The following SLC7A2 variants were observed in gnomAD, a reference collection of about 807,000 sequenced individuals.
The protein encoded by SLC7A2 is solute carrier family 7 member 2, also known as cationic amino acid transporter 2.
Under a neutral mutation model 58.9 loss-of-function variants are expected in SLC7A2, and 48 were observed. The ratio of observed to expected loss-of-function variants is 0.82; its 90% confidence interval spans 0.65 to 1.04. SLC7A2 has a LOEUF of 1.04. Among genes scored for constraint, SLC7A2 ranks in the 50% least tolerant of loss-of-function variants. The pLI is 0.00. For missense variants in SLC7A2, 1,029 were observed against 818.8 expected, an observed-to-expected ratio of 1.26 and a Z score of -3.13; for synonymous variants, 363 against 314.5, an observed-to-expected ratio of 1.15 and a Z score of -1.63.
In SLC7A2 at chr8:17,570,251, C is replaced by T. The variant is rs1198363417; in HGVS notation, c.*5105C>T. 6.6e-6 allele frequency: 1 copy of T among 152,110 alleles called. No homozygotes were observed. The highest frequency in any genetic ancestry group is 1.9e-4 in the East Asian group (1 of 5,182). 9.4% of individuals were successfully genotyped at this position (152,110 alleles called of 1,614,324 possible). On this transcript the variant is annotated 3_prime_UTR_variant, in exon 13 of 13. Transcript: ENST00000494857. ...AATGGGCCCTTTATCTTTGGTGTCC[C>T]CTAGGAGTGTCCAGTTGTTTTATTG...
At chr8:17,560,214 T>A (rs1802899092) in intron 9 of SLC7A2, 114 bp from the exon 10 acceptor site, 1 of 733,720 alleles carries the variant, frequency 1.4e-6, no homozygotes. Flanking sequence ...AAGTGTTGAT[T>A]TACTCTACAC....
intron 2 of SLC7A2, among the ~76,000 whole-genome samples, chr8:17,529,373 A>C (rs528048222): frequency 0.025 from 3,723 of 151,682 alleles, 56 homozygotes; most frequent in Middle Eastern, 0.051. Flanking sequence ...CCAGCGAAAT[A>C]CTATTTAGAA....
chr8:17,527,356 T>C (rs1801261313), intron 2 of SLC7A2, among the ~76,000 whole-genome samples: 1 of 152,160 alleles, frequency 6.6e-6, no homozygotes, highest in Non-Finnish European at 1.5e-5. Context: ...AAATGTTTAC[T>C]CCTATCCATG....
chr8:17,556,865 T>C (rs1585262968), intron 8 of SLC7A2, among the ~76,000 whole-genome samples: 1 of 152,110 alleles, frequency 6.6e-6, no homozygotes, highest in East Asian at 1.9e-4. Flanking sequence ...CGGCCCCGCC[T>C]CCCAAACTGC....
rs373546919 is a variant in SLC7A2 at position 17,543,280 on chromosome 8, A to G, written c.-22-38A>G. 8 of 1,546,248 alleles carry G rather than the reference A, an allele frequency of 5.2e-6. No homozygotes were observed. In the East Asian group the frequency reaches 1.6e-4, roughly 31 times the overall value. ...TAGGTTACCAAAGGGAGGGATGACA[A>G]TTCCAGATCAGCTTCTAACCTCCTC... is the stretch of plus-strand genomic sequence containing the variant. On this transcript the variant is annotated intron_variant, in intron 2 of 12. Transcript: ENST00000494857.
In SLC7A2 at chr8:17,568,738, C is replaced by G. The variant is rs1038528627; in HGVS notation, c.*3592C>G. The G allele has an allele frequency of 2.0e-5, 3 of 151,952 alleles. No homozygotes were observed. The highest frequency in any genetic ancestry group is 4.2e-4 in the South Asian group (2 of 4,808). 9.4% of individuals were successfully genotyped at this position (151,952 alleles called of 1,614,324 possible). On this transcript the variant is annotated 3_prime_UTR_variant, in exon 13 of 13. Coordinates refer to ENST00000494857, the MANE Select transcript of SLC7A2 (RefSeq NM_001370338.1). ...TAGGATCTTGGGAGGTCGAGGCAAGCTGATCGCTTGAGCCCAGGAGTTTAA... is the reference window on the plus strand; with the variant it reads ...TAGGATCTTGGGAGGTCGAGGCAAGGTGATCGCTTGAGCCCAGGAGTTTAA...
intron 2 of SLC7A2, chr8:17,538,967 A>C (rs374991969): frequency 4.6e-5 from 71 of 1,554,504 alleles, no homozygotes; most frequent in Non-Finnish European, 5.7e-5. Context: ...TAGAAGATTA[A>C]GTTTGAAATG....
chr8:17,553,841 G>T (rs1250999189), intron 7 of SLC7A2, among the ~76,000 whole-genome samples: 1 of 152,108 alleles, frequency 6.6e-6, no homozygotes, highest in Admixed American at 6.6e-5. Flanking sequence ...CTCTTACATG[G>T]TTATTTTTCA....
chr8:17,539,047 A>G (rs578191372), intron 2 of SLC7A2: 1 of 778,160 alleles, frequency 1.3e-6, no homozygotes, highest in East Asian at 2.7e-5. Context: ...CAAACTTTTG[A>G]ACTAAAGTGA....
upstream of SLC7A2, among the ~76,000 whole-genome samples, chr8:17,496,899 G>A (rs900223221): frequency 1.7e-4 from 26 of 151,790 alleles, no homozygotes; most frequent in African/African-American, 5.6e-4. Context: ...CGTGTGCTCG[G>A]CTCCAGGCAA....
intron 2 of SLC7A2, among the ~76,000 whole-genome samples, chr8:17,530,393 G>A (rs1182417403): frequency 6.6e-6 from 1 of 152,080 alleles, no homozygotes; most frequent in Admixed American, 6.6e-5. Flanking sequence ...TGAGCCAGAA[G>A]ACTTATGTGC....
intron 9 of SLC7A2, among the ~76,000 whole-genome samples, chr8:17,560,112 G>A (rs1344885814): frequency 6.6e-6 from 1 of 152,070 alleles, no homozygotes; most frequent in Admixed American, 6.6e-5. Flanking sequence ...CTCTGATTTG[G>A]TGACTACTGG....
intron 8 of SLC7A2, chr8:17,555,007 C>T (rs1802626042): frequency 6.2e-7 from 1 of 1,613,956 alleles, no homozygotes; most frequent in African/African-American, 1.3e-5. Flanking sequence ...GGATGGCTTA[C>T]TGTTTAGATT....
intron 2 of SLC7A2, among the ~76,000 whole-genome samples, chr8:17,514,096 G>A (rs568123814): frequency 1.3e-5 from 2 of 152,254 alleles, no homozygotes; most frequent in South Asian, 4.1e-4. Flanking sequence ...CTTATTGGGA[G>A]TAAAAACACC....
intron 1 of SLC7A2, among the ~76,000 whole-genome samples, chr8:17,497,748 G>C (rs1345228154): frequency 6.6e-6 from 1 of 152,196 alleles, no homozygotes; most frequent in Non-Finnish European, 1.5e-5. Flanking sequence ...AGCGCTGGAA[G>C]CCCCTTCACA....
At chr8:17,495,595 G>A (rs1232485252), upstream of SLC7A2, among the ~76,000 whole-genome samples, 2 of 152,130 alleles carry the variant, frequency 1.3e-5, no homozygotes, top group African/African-American at 2.4e-5. Context: ...TGTCGCCCAG[G>A]CTGGACTGTA....
intron 2 of SLC7A2, among the ~76,000 whole-genome samples, chr8:17,515,961 T>C (rs1032102327): frequency 6.6e-6 from 1 of 152,174 alleles, no homozygotes; most frequent in Non-Finnish European, 1.5e-5. Context: ...TTACTCTTTT[T>C]ATATGATATC....
intron 5 of SLC7A2, among the ~76,000 whole-genome samples, chr8:17,549,058 A>C (rs753398061): frequency 3.9e-5 from 6 of 152,208 alleles, no homozygotes; most frequent in Non-Finnish European, 7.3e-5. Flanking sequence ...GGTGGCAGAC[A>C]AGAGGAGAGA....
At chr8:17,560,574 AT>A (rs1416052842) in intron 10 of SLC7A2, 41 bp downstream of exon 10, 4 of 1,516,220 alleles carry the variant, frequency 2.6e-6, no homozygotes, top group Non-Finnish European at 1.8e-6. Flanking sequence ...GACCCAGAAG[AT>A]GTGTGTGAGT....
Sources: allele counts gnomAD v4.1 joint callset (sites outside exome capture counted in the v4.1 genomes callset), GRCh38; gene constraint gnomAD v4.1.1; transcripts MANE v1.5; gene names NCBI Gene and HGNC (gene_info 2026-07-23, HGNC 2026-07-21).